HERC3: variants seen among roughly 807,000 people sequenced by gnomAD.
The protein encoded by HERC3 is HECT and RLD domain containing E3 ubiquitin protein ligase 3.
Under a neutral mutation model 129.9 loss-of-function variants are expected in HERC3, and 58 were observed. The observed-to-expected ratio is 0.45, with a 90% confidence interval of 0.36 to 0.56. The LOEUF (loss-of-function observed/expected upper bound fraction) is 0.56, where lower values mean the gene tolerates loss of function less well. HERC3 is among the 20% of genes least tolerant of loss of function. The pLI is 0.00. For synonymous variants in HERC3, 430 were observed against 451.0 expected, an observed-to-expected ratio of 0.95 and a Z score of 0.59; for missense variants, 835 against 1,244.2, an observed-to-expected ratio of 0.67 and a Z score of 4.95.
the HERC3 span, among the ~76,000 whole-genome samples, chr4:88,532,652 C>A: frequency 6.6e-6 from 1 of 152,114 alleles, no homozygotes; most frequent in African/African-American, 2.4e-5. Context: ...GTCAAGATGT[C>A]ACATAAAACT....
intron 3 of HERC3, among the ~76,000 whole-genome samples, chr4:88,617,821 A>G (rs2149215979): frequency 1.3e-5 from 2 of 152,274 alleles, no homozygotes; most frequent in African/African-American, 2.4e-5. Flanking sequence ...CAGTGAGCCA[A>G]GATCGCACCA....
upstream of HERC3, among the ~76,000 whole-genome samples, chr4:88,591,902 C>G (rs865856456): frequency 9.2e-5 from 14 of 152,124 alleles, no homozygotes; most frequent in Non-Finnish European, 1.6e-4. Context: ...AGCCCCGTGC[C>G]GGTCTTCGAT....
intron 23 of HERC3, chr4:88,697,033 C>T: frequency 1.8e-6 from 1 of 565,742 alleles, no homozygotes; most frequent in African/African-American, 1.9e-5. Flanking sequence ...AAATTTGAAT[C>T]GAGCTGGCCA....
chr4:88,625,869 T>C (rs1396351745), intron 3 of HERC3, among the ~76,000 whole-genome samples: 1 of 152,212 alleles, frequency 6.6e-6, no homozygotes, highest in African/African-American at 2.4e-5. Context: ...GTGTTGATTT[T>C]TTTCAAATGT....
chr4:88,639,802 C>T (rs1318598319), intron 3 of HERC3, among the ~76,000 whole-genome samples: 5 of 151,866 alleles, frequency 3.3e-5, no homozygotes, highest in Non-Finnish European at 1.5e-5. Flanking sequence ...AGGCAACCTA[C>T]AAAATGGAAG....
At chr4:88,666,613 T>C (rs1731071398) in intron 12 of HERC3, among the ~76,000 whole-genome samples, 1 of 152,212 alleles carries the variant, frequency 6.6e-6, no homozygotes, top group African/African-American at 2.4e-5. Flanking sequence ...CATCTGAATG[T>C]GTCCATTACT....
intron 19 of HERC3, 146 bp downstream of exon 19, chr4:88,678,280 A>G (rs527473752): frequency 1.5e-6 from 1 of 651,976 alleles, no homozygotes; most frequent in Non-Finnish European, 2.6e-6. Flanking sequence ...ACTTTTGTCA[A>G]ATCACCAAAC....
In HERC3 at chr4:88,689,703, G is replaced by A. The variant is rs181112692; in HGVS notation, c.2657+2404G>A. On this transcript the variant is annotated intron_variant, in intron 23 of 25. Transcript: ENST00000402738. ...AGTGATTCTTCTGCCTCGGCCTCCC[G>A]CATAACTAGGATTACAGGCGTGTAC... Among the ~76,000 whole-genome samples, 636 of 151,340 alleles carry A rather than the reference G, an allele frequency of 4.2e-3. 3 individuals are homozygous for A. The highest frequency in any genetic ancestry group is 7.0e-3 in the Non-Finnish European group (473 of 67,822).
the HERC3 span, among the ~76,000 whole-genome samples, chr4:88,553,010 T>G: frequency 6.6e-6 from 1 of 152,216 alleles, no homozygotes; most frequent in Non-Finnish European, 1.5e-5. Flanking sequence ...AAAAATTAAT[T>G]TGACCAAATG....
chr4:88,707,020 C>T lies in HERC3; in HGVS notation c.*60C>T. On this transcript the variant is annotated 3_prime_UTR_variant, in exon 26 of 26. Coordinates refer to ENST00000402738, the MANE Select transcript of HERC3 (RefSeq NM_014606.3). ...CTCAGTGTCCACATTGAGGCCTATA[C>T]AGAAAATCATGGGGAGTGATTTCTA... 1.5e-6 allele frequency: 2 copies of T among 1,327,740 alleles called. No homozygotes were observed. Among genetic ancestry groups the T allele is most frequent in the Non-Finnish European group, 2.2e-6 (2 of 925,668 alleles). 82.2% of individuals were successfully genotyped at this position (1,327,740 alleles called of 1,614,324 possible). A position where few individuals can be genotyped will look rare whatever the true frequency, so the allele number is the denominator to read the frequency against.
chr4:88,612,884 G>A (rs1578168357), intron 3 of HERC3, among the ~76,000 whole-genome samples: 1 of 151,950 alleles, frequency 6.6e-6, no homozygotes. Context: ...TGGACATTAA[G>A]TAAATCTTGA....
intron 18 of HERC3, among the ~76,000 whole-genome samples, chr4:88,677,217 C>T (rs1475739550): frequency 2.6e-5 from 4 of 151,994 alleles, no homozygotes; most frequent in Non-Finnish European, 4.4e-5. Flanking sequence ...ATGTGTGGGG[C>T]CTCAGTTTGC....
the HERC3 span, chr4:88,527,827 G>C: frequency 6.1e-6 from 2 of 327,100 alleles, no homozygotes; most frequent in South Asian, 5.6e-5. Flanking sequence ...CTTTGTTTAC[G>C]AACGGAAGCT....
chr4:88,557,361 C>T, the HERC3 span, among the ~76,000 whole-genome samples: 1 of 152,204 alleles, frequency 6.6e-6, no homozygotes, highest in Non-Finnish European at 1.5e-5. Flanking sequence ...ACAGTCAAAT[C>T]TACCTCCTAA....
upstream of HERC3, among the ~76,000 whole-genome samples, chr4:88,590,160 C>T (rs186965590): frequency 4.6e-5 from 7 of 151,992 alleles, no homozygotes; most frequent in South Asian, 2.1e-4. Flanking sequence ...CCCAGCTACT[C>T]GGGAGGCTGA....
intron 10 of HERC3, 87 bp downstream of exon 10, chr4:88,658,578 C>T: frequency 3.1e-6 from 2 of 647,520 alleles, no homozygotes; most frequent in Non-Finnish European, 2.7e-6. Flanking sequence ...ACATAAAGAG[C>T]AATGTTACTC....
At chr4:88,662,681 C>A in intron 11 of HERC3, 126 bp downstream of exon 11, 1 of 1,013,656 alleles carries the variant, frequency 9.9e-7, no homozygotes. Context: ...TATAGGGAAT[C>A]GTGGGTTATT....
the HERC3 span, among the ~76,000 whole-genome samples, chr4:88,560,050 C>T: frequency 4.0e-5 from 6 of 151,610 alleles, no homozygotes; most frequent in African/African-American, 1.5e-4. Context: ...ACCTCCACCT[C>T]CCAGGTTCAA....
intron 3 of HERC3, among the ~76,000 whole-genome samples, chr4:88,628,944 C>T (rs1013248590): frequency 2.4e-4 from 37 of 152,114 alleles, no homozygotes; most frequent in African/African-American, 8.7e-4. Flanking sequence ...GAGGCCGAGG[C>T]GGTTGCATTG....
Sources: allele counts gnomAD v4.1 joint callset (sites outside exome capture counted in the v4.1 genomes callset), GRCh38; gene constraint gnomAD v4.1.1; transcripts MANE v1.5; gene names NCBI Gene and HGNC (gene_info 2026-07-23, HGNC 2026-07-21).